Variants in ACSM4 observed in about 807,000 individuals in gnomAD.
ACSM4 encodes the protein acyl-CoA synthetase medium chain family member 4, also known as acyl-coenzyme A synthetase ACSM4, mitochondrial.
Under a neutral mutation model 73.0 loss-of-function variants are expected in ACSM4, and 66 were observed. That is an observed-to-expected ratio of 0.90 (90% CI 0.74 to 1.11). The LOEUF (loss-of-function observed/expected upper bound fraction) is 1.11, where lower values mean the gene tolerates loss of function less well. ACSM4 is among the 50% of genes least tolerant of loss of function. The pLI is 0.00. For missense variants in ACSM4, 645 were observed against 714.4 expected, an observed-to-expected ratio of 0.90 and a Z score of 1.11; for synonymous variants, 222 against 254.0, an observed-to-expected ratio of 0.87 and a Z score of 1.20.
intron 5 of ACSM4, 185 bp downstream of exon 5, chr12:7,318,367 T>A (rs1346542064): frequency 3.2e-6 from 2 of 633,632 alleles, no homozygotes; most frequent in Non-Finnish European, 5.1e-6. Context: ...GGGGAACAAC[T>A]GCAACACTCT....
chr12:7,313,445 CA>C (rs2136330812), intron 3 of ACSM4, among the ~76,000 whole-genome samples: 1 of 152,314 alleles, frequency 6.6e-6, no homozygotes, highest in South Asian at 2.1e-4. Flanking sequence ...AGACTACACA[CA>C]GCAATAATGT....
rs374650478 is a variant in ACSM4 at position 7,306,539 on chromosome 12, G to T, written c.208G>T (p.Glu70Ter). 3.1e-5 allele frequency: 49 copies of T among 1,591,986 alleles called. No homozygotes were observed. The highest frequency in any genetic ancestry group is 4.1e-5 in the Non-Finnish European group (48 of 1,169,526). ...DQWSQKEKTG[E>*]RPANPALWWV... is the part of the protein sequence containing the mutation. ...TCCATGTGTCCCTGGTCAGACAGGGGAGAGACCAGCTAACCCAGCCCTGTG... is the reference window on the plus strand; with the variant it reads ...TCCATGTGTCCCTGGTCAGACAGGGTAGAGACCAGCTAACCCAGCCCTGTG... Residue 70 changes from glutamate (E) to a stop codon, truncating the protein, a stop_gained, in exon 2 of 13, where the codon GAG (glutamate) becomes TAG (stop). Transcript: ENST00000399422. LOFTEE classifies it high-confidence loss of function.
chr12:7,325,554 G>A (rs1946497528), intron 11 of ACSM4, among the ~76,000 whole-genome samples: 1 of 152,142 alleles, frequency 6.6e-6, no homozygotes, highest in Non-Finnish European at 1.5e-5. Flanking sequence ...GGCTGAGGCA[G>A]GAGAACTGCT....
At position 7,304,409 on chromosome 12, in the gene ACSM4, T is replaced by C. The variant is rs772471333; in HGVS notation, c.78T>C (p.Asp26=). The change falls in exon 1 of 13, where the codon GAT becomes GAC. Residue 26 remains aspartate, a synonymous_variant. Coordinates refer to ENST00000399422, the MANE Select transcript of ACSM4 (RefSeq NM_001080454.2). The part of the protein sequence containing the change: ...TKPPGRRLHK[D]HQLWTPLTLA... ...CACCTGGCCGGCGCTTACACAAAGA[T>C]CACCAGCTTTGGACGCCTCTGACTC... 6.2e-7 allele frequency: 1 copy of C among 1,613,862 alleles called. No homozygotes were observed. Among genetic ancestry groups the C allele is most frequent in the African/African-American group, 1.3e-5 (1 of 74,918 alleles).
intron 6 of ACSM4, 145 bp from the exon 7 acceptor site, chr12:7,322,273 G>C: frequency 9.1e-7 from 1 of 1,102,094 alleles, no homozygotes; most frequent in Admixed American, 2.0e-5. Flanking sequence ...CAATATAGCA[G>C]GTGTTCAACA....
intron 11 of ACSM4, among the ~76,000 whole-genome samples, chr12:7,324,872 G>A (rs1248879852): frequency 1.3e-5 from 2 of 151,236 alleles, no homozygotes; most frequent in African/African-American, 2.4e-5. Flanking sequence ...TAAGTGACAA[G>A]TACTTAAGTA....
rs367917481 is a variant in ACSM4, at chr12:7,327,195, A to G, written c.1656+100A>G. On this transcript the variant is annotated intron_variant, in intron 12 of 12. Coordinates refer to ENST00000399422, the MANE Select transcript of ACSM4 (RefSeq NM_001080454.2). ...TTTTGATTTTATAGTAGCTCATTATATAGGTAGAAGACACTTTTCAATTTG... is the reference window on the plus strand; with the variant it reads ...TTTTGATTTTATAGTAGCTCATTATGTAGGTAGAAGACACTTTTCAATTTG... 83 of 1,347,170 alleles carry G rather than the reference A, an allele frequency of 6.2e-5. No homozygotes were observed. In the East Asian group the frequency reaches 1.3e-3, roughly 21 times the overall value. The allele number at this position is 1,347,170 out of a possible 1,614,324, so 83.5% of individuals were successfully genotyped here.
intron 2 of ACSM4, 104 bp downstream of exon 2, chr12:7,306,847 CAA>C (rs59277746): frequency 0.13 from 60,000 of 478,984 alleles, 286 homozygotes; most frequent in African/African-American, 0.16. Context: ...ATACAGAAGA[CAA>C]AAAAAAAAAA....
intron 12 of ACSM4, among the ~76,000 whole-genome samples, 187 bp from the exon 13 acceptor site, chr12:7,328,100 A>T (rs1946522904): frequency 6.6e-6 from 1 of 152,180 alleles, no homozygotes; most frequent in Non-Finnish European, 1.5e-5. Context: ...AACCCGTAAG[A>T]TGGAGCTACA....
At position 7,323,490 on chromosome 12, in the gene ACSM4, C is replaced by T. The variant is rs975764254; in HGVS notation, c.1238C>T (p.Pro413Leu). ...GATGAAAATGGCAATGTTCTACCACCTGGCAAAGAAGGGGAAATTGCCCTC... is the reference window on the plus strand; with the variant it reads ...GATGAAAATGGCAATGTTCTACCACTTGGCAAAGAAGGGGAAATTGCCCTC... Reference protein sequence around the residue: ...IIDENGNVLPPGKEGEIALRL... With the variant: ...IIDENGNVLPLGKEGEIALRL... The change falls in exon 9 of 13, where the codon CCT (proline) becomes CTT (leucine). Residue 413 changes from proline (P) to leucine (L), a missense_variant. Physicochemically the swap from Pro to Leu is moderately conservative, Grantham distance 98. Transcript: ENST00000399422. The T allele has an allele frequency of 1.2e-6, 2 of 1,613,810 alleles. No individual in the cohort carries two copies. Among genetic ancestry groups the T allele is most frequent in the African/African-American group, 2.7e-5 (2 of 74,922 alleles).
At chr12:7,322,976 G>T (rs1946476128) in intron 7 of ACSM4, among the ~76,000 whole-genome samples, 2 of 152,136 alleles carry the variant, frequency 1.3e-5, no homozygotes, top group South Asian at 4.1e-4. Context: ...CAAATTCTTA[G>T]ACCCCATTCC....
chr12:7,308,444 ATTGT>A (rs966644530), intron 2 of ACSM4, among the ~76,000 whole-genome samples: 4 of 152,194 alleles, frequency 2.6e-5, no homozygotes, highest in African/African-American at 7.2e-5. Context: ...GAATATTGAA[ATTGT>A]TTGTACTATA....
At chr12:7,326,423 TG>T (rs1946506264) in intron 11 of ACSM4, among the ~76,000 whole-genome samples, 1 of 152,224 alleles carries the variant, frequency 6.6e-6, no homozygotes, top group South Asian at 2.1e-4. Flanking sequence ...TTGACCAGGC[TG>T]GTTTCAAACT....
intron 7 of ACSM4, 37 bp downstream of exon 7, chr12:7,322,578 G>T (rs780658172): frequency 3.8e-5 from 60 of 1,571,022 alleles, no homozygotes; most frequent in Admixed American, 2.1e-4. Flanking sequence ...GTATATGTGG[G>T]GGCCTTTCTG....
At chr12:7,304,679 C>A in intron 1 of ACSM4, 147 bp downstream of exon 1, 1 of 882,986 alleles carries the variant, frequency 1.1e-6, no homozygotes, top group Non-Finnish European at 1.7e-6. Context: ...GCCCTCCCCT[C>A]TCCCCAGGGA....
At chr12:7,317,360 C>T in intron 4 of ACSM4, 80 bp downstream of exon 4, 7 of 1,444,012 alleles carry the variant, frequency 4.8e-6, no homozygotes, top group South Asian at 3.0e-5. Context: ...TGATACTTCT[C>T]CTTGAATTGC....
intron 11 of ACSM4, among the ~76,000 whole-genome samples, chr12:7,325,542 G>T (rs1156612055): frequency 2.0e-5 from 3 of 152,148 alleles, no homozygotes; most frequent in Non-Finnish European, 4.4e-5. Context: ...AGCTACTTAG[G>T]AGGCTGAGGC....
In ACSM4 at chr12:7,310,893, C is replaced by T. The variant is rs773842147; in HGVS notation, c.620+147C>T. On this transcript the variant is annotated intron_variant, in intron 3 of 12. Coordinates refer to ENST00000399422, the MANE Select transcript of ACSM4 (RefSeq NM_001080454.2). ...AAAAGAATTACCTAATAGCTGGGTG[C>T]GCTGGCTCACACCTGTAATCCCAGC... The T allele has an allele frequency of 2.1e-4, 180 of 862,668 alleles. 2 individuals carry two copies. In the African/African-American group the frequency reaches 2.6e-3, roughly 12 times the overall value. The allele number at this position is 862,668 out of a possible 1,614,324, so 53.4% of individuals were successfully genotyped here. A position where few individuals can be genotyped will look rare whatever the true frequency, so the allele number is the denominator to read the frequency against.
intron 11 of ACSM4, 139 bp from the exon 12 acceptor site, chr12:7,326,837 C>A: frequency 1.1e-6 from 1 of 943,496 alleles, no homozygotes; most frequent in Non-Finnish European, 1.5e-6. Context: ...AAGCTTTGTT[C>A]AGAGGTAACC....
Sources: allele counts gnomAD v4.1 joint callset (sites outside exome capture counted in the v4.1 genomes callset), GRCh38; gene constraint gnomAD v4.1.1; transcripts MANE v1.5; gene names NCBI Gene and HGNC (gene_info 2026-07-23, HGNC 2026-07-21).